The following DGKH variants were observed in gnomAD, a reference collection of about 807,000 sequenced individuals.
The protein encoded by DGKH is diacylglycerol kinase eta.
A neutral mutation model predicts 159.3 loss-of-function variants in DGKH; 90 were observed. The observed-to-expected ratio is 0.57, with a 90% confidence interval of 0.48 to 0.67. The LOEUF (loss-of-function observed/expected upper bound fraction) is 0.67, where lower values mean the gene tolerates loss of function less well. DGKH is among the 30% of genes least tolerant of loss of function. The probability of loss-of-function intolerance (pLI) is 0.00; values close to 1 mark genes in which losing one functional copy is unlikely to be tolerated. For synonymous variants in DGKH, 536 were observed against 553.8 expected (o/e 0.97, Z 0.45); for missense variants, 1,181 against 1,506.1 (o/e 0.78, Z 3.57).
chr13:42,139,551 C>G (rs965880000), intron 3 of DGKH, among the ~76,000 whole-genome samples: 2 of 152,152 alleles, frequency 1.3e-5, no homozygotes, highest in African/African-American at 4.8e-5. Context: ...ATCCATGACT[C>G]GGAAAACATA....
chr13:42,041,916 C>G (rs1168354453), intron 1 of DGKH, among the ~76,000 whole-genome samples: 17 of 152,230 alleles, frequency 1.1e-4, no homozygotes, highest in Non-Finnish European at 2.5e-4. Flanking sequence ...GGCCGGCCCT[C>G]TGCCTGTTGA....
chr13:42,187,949 C>G (rs10492441), intron 14 of DGKH, among the ~76,000 whole-genome samples: 16,771 of 152,178 alleles, frequency 0.11, 1,493 homozygotes, highest in East Asian at 0.4. Flanking sequence ...ACCATCTTTG[C>G]TTTCATTGGT....
At chr13:42,114,493 C>T (rs1471834764) in intron 1 of DGKH, among the ~76,000 whole-genome samples, 1 of 152,192 alleles carries the variant, frequency 6.6e-6, no homozygotes, top group African/African-American at 2.4e-5. Flanking sequence ...CTGAGGTGGA[C>T]ATGGCCTCTG....
At chr13:42,070,997 A>G (rs1882928104) in intron 1 of DGKH, 2 of 1,316,138 alleles carry the variant, frequency 1.5e-6, no homozygotes, top group Non-Finnish European at 2.2e-6. Context: ...GAAAAAAACA[A>G]GTAATTGCCT....
intron 1 of DGKH, among the ~76,000 whole-genome samples, chr13:42,090,320 G>C (rs1954392526): frequency 6.6e-6 from 1 of 152,178 alleles, no homozygotes; most frequent in African/African-American, 2.4e-5. Flanking sequence ...TAAAATTTCA[G>C]TACTCTCCAA....
intron 29 of DGKH, among the ~76,000 whole-genome samples, chr13:42,228,161 A>T (rs1363309868): frequency 6.6e-6 from 1 of 152,150 alleles, no homozygotes; most frequent in Non-Finnish European, 1.5e-5. Flanking sequence ...TTATTCCTGC[A>T]ACAAATATTT....
At chr13:42,135,507 A>AAAAAAAAAAAAAAAAAG (rs71096557) in intron 3 of DGKH, among the ~76,000 whole-genome samples, 1,852 of 112,774 alleles carry the variant, frequency 0.016, 105 homozygotes, top group Non-Finnish European at 0.022. Context: ...AAAAAAAAAA[A>AAAAAAAAAAAAAAAAAG]AGAGAGAGAG....
At chr13:42,160,554 G>A (rs921207527) in intron 7 of DGKH, among the ~76,000 whole-genome samples, 34 of 152,188 alleles carry the variant, frequency 2.2e-4, no homozygotes, top group Middle Eastern at 3.2e-3. Flanking sequence ...ACATGCAGCC[G>A]AACATGAAGC....
chr13:42,208,959 A>C lies in DGKH; in HGVS notation c.2602A>C (p.Ile868Leu). 6.2e-7 allele frequency: 1 copy of C among 1,603,452 alleles called. No individual in the cohort carries two copies. The highest frequency in any genetic ancestry group is 8.5e-7 in the Non-Finnish European group (1 of 1,174,992). Reference sequence around the variant, plus strand: ...AAGTGTAATGTAGTTTTTCTTTCAGATATTTGCTGCACCATCCTTTGATGA... The same window carrying C: ...AAGTGTAATGTAGTTTTTCTTTCAGCTATTTGCTGCACCATCCTTTGATGA... ...NFWGGTKEDDIFAAPSFDDKI... is the reference protein window; with the variant it reads ...NFWGGTKEDDLFAAPSFDDKI... Residue 868 changes from isoleucine (I) to leucine (L), a missense_variant and splice_region_variant, in exon 22 of 30, where the codon ATA (isoleucine) becomes CTA (leucine). Transcript: ENST00000337343.
chr13:42,142,252 T>C (rs1212771715), intron 3 of DGKH, among the ~76,000 whole-genome samples: 1 of 152,236 alleles, frequency 6.6e-6, no homozygotes, highest in Non-Finnish European at 1.5e-5. Context: ...TTCATTGGTC[T>C]ATATGTCTGT....
At chr13:42,222,705 G>A (rs923190203) in intron 29 of DGKH, among the ~76,000 whole-genome samples, 4 of 152,128 alleles carry the variant, frequency 2.6e-5, no homozygotes, top group African/African-American at 9.7e-5. Context: ...TAGCTTCTCT[G>A]CATGATACCT....
chr13:42,182,610 C>CA (rs1209333305), intron 13 of DGKH, among the ~76,000 whole-genome samples: 7 of 151,408 alleles, frequency 4.6e-5, no homozygotes, highest in African/African-American at 2.4e-5. Flanking sequence ...GGAATGATGA[C>CA]AAAAAAAAGT....
chr13:42,219,190 A>C, intron 26 of DGKH, 40 bp from the exon 27 acceptor site: 1 of 1,610,040 alleles, frequency 6.2e-7, no homozygotes, highest in Non-Finnish European at 8.5e-7. Context: ...CTGGCCACTG[A>C]GTCTTGTTTT....
intron 11 of DGKH, among the ~76,000 whole-genome samples, chr13:42,171,290 C>A (rs1489101927): frequency 6.6e-6 from 1 of 152,184 alleles, no homozygotes; most frequent in Non-Finnish European, 1.5e-5. Context: ...ATAGAACGGG[C>A]ATGGTAAACT....
At chr13:42,062,455 A>T (rs1882250435) in intron 1 of DGKH, among the ~76,000 whole-genome samples, 1 of 152,206 alleles carries the variant, frequency 6.6e-6, no homozygotes. Context: ...GATGAGTTGT[A>T]AATTTGATCC....
intron 29 of DGKH, among the ~76,000 whole-genome samples, chr13:42,248,732 A>G (rs1000850925): frequency 5.3e-5 from 8 of 151,282 alleles, no homozygotes; most frequent in Non-Finnish European, 1.0e-4. Flanking sequence ...AGATATGTTT[A>G]GATACACAAA....
At chr13:42,114,986 T>C (rs1160540581) in intron 1 of DGKH, among the ~76,000 whole-genome samples, 1 of 152,236 alleles carries the variant, frequency 6.6e-6, no homozygotes, top group African/African-American at 2.4e-5. Context: ...ATTTTGTTTC[T>C]TCCTGACAAG....
intron 30 of DGKH, among the ~76,000 whole-genome samples, chr13:42,254,271 G>A (rs1211150695): frequency 6.6e-6 from 1 of 152,206 alleles, no homozygotes; most frequent in South Asian, 2.1e-4. Context: ...AATGCCAGAT[G>A]ATAGGGACAT....
intron 11 of DGKH, among the ~76,000 whole-genome samples, chr13:42,169,052 G>A (rs1456430170): frequency 1.3e-5 from 2 of 152,168 alleles, no homozygotes; most frequent in Admixed American, 6.5e-5. Flanking sequence ...TAAAAAACTA[G>A]TCTGAGGAAC....
Sources: gnomAD v4.1 joint callset for allele counts (sites outside exome capture counted in the v4.1 genomes callset) on GRCh38, gnomAD v4.1.1 for gene constraint, MANE v1.5 for transcripts, NCBI Gene and HGNC (gene_info 2026-07-23, HGNC 2026-07-21) for gene names.